C1QTNF8: variants seen among roughly 807,000 people sequenced by gnomAD.
The protein encoded by C1QTNF8 is complement C1q tumor necrosis factor-related protein 8.
In C1QTNF8, 27 loss-of-function variants were observed where a neutral mutation model predicts 19.2. That is an observed-to-expected ratio of 1.41 (90% CI 1.04 to 1.94). The LOEUF (loss-of-function observed/expected upper bound fraction) is 1.94, where lower values mean the gene tolerates loss of function less well. Among genes scored for constraint, C1QTNF8 ranks in the 30% most tolerant of loss-of-function variants. C1QTNF8 has a pLI of 0.00. For synonymous variants in C1QTNF8, 208 were observed against 172.8 expected, an observed-to-expected ratio of 1.20 and a Z score of -1.60; for missense variants, 484 against 374.4, an observed-to-expected ratio of 1.29 and a Z score of -2.42.
rs989133673 is a variant in C1QTNF8, at chr16:1,088,642, G to A, written c.*1957C>T. Among the ~76,000 whole-genome samples, 3 of 152,150 alleles carry A rather than the reference G, an allele frequency of 2.0e-5. No individual in the cohort carries two copies. The highest frequency in any genetic ancestry group is 4.4e-5 in the Non-Finnish European group (3 of 68,028). The stretch of plus-strand genomic sequence containing the variant: ...GTTTTTTAAACAAATAAACCTGGAA[G>A]GTTGGCGGGATGCAGGTCCTGCTGT... On this transcript the variant is annotated 3_prime_UTR_variant, in exon 5 of 5. Transcript: ENST00000328449.
Position 1,094,028 on chromosome 16 carries a change from G to T in C1QTNF8, c.232C>A (p.Arg78=). ...LKGEKGEAGV[R]GRAGRSGKEG... is the part of the protein sequence containing the mutation. ...TTCCCGCTCCTGCCGGCCCGACCTC[G>T]GACGCCGGCCTCACCCTTCTCACCT... is the stretch of plus-strand genomic sequence containing the variant. Residue 78 remains arginine, a synonymous_variant, in exon 4 of 5, where the codon CGA becomes AGA. Coordinates refer to ENST00000328449, the MANE Select transcript of C1QTNF8 (RefSeq NM_207419.3). 1 of 1,473,634 alleles carries T rather than the reference G, an allele frequency of 6.8e-7. No individual in the cohort carries two copies. The highest frequency in any genetic ancestry group is 8.9e-7 in the Non-Finnish European group (1 of 1,129,572). The allele number at this position is 1,473,634 out of a possible 1,614,324, so 91.3% of individuals were successfully genotyped here. A position where few individuals can be genotyped will look rare whatever the true frequency, so the allele number is the denominator to read the frequency against.
chr16:1,094,538 C>G (rs1960642984), intron 3 of C1QTNF8, 177 bp downstream of exon 3: 1 of 501,534 alleles, frequency 2.0e-6, no homozygotes, highest in Non-Finnish European at 3.4e-6. Flanking sequence ...CCAAGCCAGG[C>G]TTCTTCCTGC....
In C1QTNF8 at chr16:1,093,789, G is replaced by A; in HGVS notation, c.471C>T (p.Leu157=). 1 of 1,611,912 alleles carries A rather than the reference G, an allele frequency of 6.2e-7. No individual in the cohort carries two copies. The highest frequency in any genetic ancestry group is 8.5e-7 in the Non-Finnish European group (1 of 1,179,676). The change falls in exon 4 of 5, where the codon CTC becomes CTT. Residue 157 remains leucine (L), a synonymous_variant. Coordinates refer to ENST00000328449, the MANE Select transcript of C1QTNF8 (RefSeq NM_207419.3). ...GAFDLAAGRF[L]CTVPGVYFLS... Reference sequence around the variant, plus strand: ...GGAAGTAGACGCCGGGCACCGTGCAGAGGAAGCGGCCCGCGGCCAGGTCGA... The same window carrying A: ...GGAAGTAGACGCCGGGCACCGTGCAAAGGAAGCGGCCCGCGGCCAGGTCGA...
chr16:1,093,230 A>AGCACACAGTCGCGCTCAACCAATCCCT, intron 4 of C1QTNF8, among the ~76,000 whole-genome samples: 1 of 92,576 alleles, frequency 1.1e-5, no homozygotes, highest in African/African-American at 5.6e-5. Context: ...AACCAATCAC[A>AGCACACAGTCGCGCTCAACCAATCCCT]GCACACAGTC....
In C1QTNF8 at chr16:1,093,893, G is replaced by A. The variant is rs971186284; in HGVS notation, c.367C>T (p.Arg123Trp). The change falls in exon 4 of 5, where the codon CGG (arginine) becomes TGG (tryptophan). Residue 123 changes from arginine to tryptophan, a missense_variant. By Grantham distance (101) the Arg-to-Trp change is moderately radical. Coordinates refer to ENST00000328449, the MANE Select transcript of C1QTNF8 (RefSeq NM_207419.3). ...TCGGAGCTGTGCAGGCCCTCGCGCC[G>A]GCCCACGGAGAAGGCGGCGTAGGCA... ...RRAYAAFSVG[R>W]REGLHSSDHF... 1.3e-6 allele frequency: 2 copies of A among 1,564,026 alleles called. No individual in the cohort carries two copies. Among genetic ancestry groups the A allele is most frequent in the East Asian group, 2.3e-5 (1 of 43,348 alleles).
Position 1,093,734 on chromosome 16 carries a change from T to C in C1QTNF8, c.526A>G (p.Lys176Glu), listed in dbSNP as rs773315919. 1.2e-6 allele frequency: 2 copies of C among 1,612,224 alleles called. No individual in the cohort carries two copies. Among genetic ancestry groups the C allele is most frequent in the Non-Finnish European group, 1.7e-6 (2 of 1,179,666 alleles). ...LSLNVHTWNY[K>E]ETYLHIMLNR... ...AGCATGATGTGCAGGTAGGTCTCCT[T>C]GTAGTTCCAGGTGTGCACGTTGAGG... The change falls in exon 4 of 5, where the codon AAG becomes GAG. Residue 176 changes from lysine (K) to glutamate (E), a missense_variant. Lys to Glu is a moderately conservative substitution (Grantham distance 56, BLOSUM62 1). Coordinates refer to ENST00000328449, the MANE Select transcript of C1QTNF8 (RefSeq NM_207419.3).
intron 4 of C1QTNF8, among the ~76,000 whole-genome samples, chr16:1,092,325 ATCAATCCCTGCACACAGT>A (rs1960563036): frequency 2.0e-5 from 3 of 151,642 alleles, no homozygotes; most frequent in Admixed American, 2.0e-4. Context: ...TCGGCGCTCA[ATCAATCCCTGCACACAGT>A]CGGCGCTCAA....
At chr16:1,092,125 C>G (rs1438094051) in intron 4 of C1QTNF8, among the ~76,000 whole-genome samples, 2 of 152,244 alleles carry the variant, frequency 1.3e-5, no homozygotes, top group Non-Finnish European at 2.9e-5. Context: ...CCACCGCACA[C>G]CCAGTACCAC....
chr16:1,094,396 G>A (rs543660901), intron 3 of C1QTNF8, among the ~76,000 whole-genome samples: 8 of 152,302 alleles, frequency 5.3e-5, no homozygotes, highest in South Asian at 2.1e-4. Flanking sequence ...CAGCGCAGCC[G>A]TGTCAAGGGG....
chr16:1,092,388 C>T (rs1216837423), intron 4 of C1QTNF8, among the ~76,000 whole-genome samples: 1 of 143,626 alleles, frequency 7.0e-6, no homozygotes, highest in African/African-American at 2.7e-5. Context: ...ACAACCAATC[C>T]CTGCACACAG....
At chr16:1,091,838 C>G (rs1567391912) in intron 4 of C1QTNF8, among the ~76,000 whole-genome samples, 1 of 145,618 alleles carries the variant, frequency 6.9e-6, no homozygotes, top group Non-Finnish European at 1.5e-5. Flanking sequence ...CTAGAGCAGC[C>G]CCACCCTCCC....
rs558272589 is a variant in C1QTNF8 at position 1,096,081 on chromosome 16, A to C, written c.-186+75T>G. Reference sequence around the variant, plus strand: ...GGTTCAGGGGGAGCCCGACCTGCCCAGGGCGGCTGTGAAGACTCCCACAAC... The same window carrying C: ...GGTTCAGGGGGAGCCCGACCTGCCCCGGGCGGCTGTGAAGACTCCCACAAC... On this transcript the variant is annotated intron_variant, in intron 1 of 4. Coordinates refer to ENST00000328449, the MANE Select transcript of C1QTNF8 (RefSeq NM_207419.3). 3.3e-5 allele frequency: 5 copies of C among 152,320 alleles called. No homozygotes were observed. The South Asian group carries it at 1.0e-3, about 32-fold the overall frequency. The allele number at this position is 152,320 out of a possible 1,614,324, so 9.4% of individuals were successfully genotyped here. A position where few individuals can be genotyped will look rare whatever the true frequency, so the allele number is the denominator to read the frequency against.
At chr16:1,096,252 G>C (rs569172160), upstream of C1QTNF8, 1 of 152,198 alleles carries the variant, frequency 6.6e-6, no homozygotes, top group African/African-American at 2.4e-5. Flanking sequence ...GGCTGTCCAA[G>C]AGCAACAGGC....
chr16:1,093,721 A>C lies in C1QTNF8; in HGVS notation c.539T>G (p.Leu180Arg). 1 of 1,611,878 alleles carries C rather than the reference A, an allele frequency of 6.2e-7. No homozygotes were observed. ...VHTWNYKETY[L>R]HIMLNRRPAA... ...GGGCCGCCGGTTCAGCATGATGTGCAGGTAGGTCTCCTTGTAGTTCCAGGT... is the reference window on the plus strand; with the variant it reads ...GGGCCGCCGGTTCAGCATGATGTGCCGGTAGGTCTCCTTGTAGTTCCAGGT... The change falls in exon 4 of 5, where the codon CTG (leucine) becomes CGG (arginine). Residue 180 changes from leucine to arginine, a missense_variant. By Grantham distance (102) the Leu-to-Arg change is moderately radical. Coordinates refer to ENST00000328449, the MANE Select transcript of C1QTNF8 (RefSeq NM_207419.3).
At chr16:1,094,292 G>A (rs1251338800) in intron 3 of C1QTNF8, among the ~76,000 whole-genome samples, 6 of 152,228 alleles carry the variant, frequency 3.9e-5, no homozygotes, top group Non-Finnish European at 8.8e-5. Flanking sequence ...GGGGACATGG[G>A]TGGTCAGGGC....
At position 1,094,848 on chromosome 16, in the gene C1QTNF8, G is replaced by A; in HGVS notation, c.75C>T (p.Pro25=). ...AGGCCGGGCGGCAGCAGTGCACACAGGGCCTCCTGGGCAGCCCGGGCCAGG... is the reference window on the plus strand; with the variant it reads ...AGGCCGGGCGGCAGCAGTGCACACAAGGCCTCCTGGGCAGCCCGGGCCAGG... ...VGAWPGLPRR[P]CVHCCRPAWP... The change falls in exon 3 of 5, where the codon CCC becomes CCT. Residue 25 remains proline, a synonymous_variant. Coordinates refer to ENST00000328449, the MANE Select transcript of C1QTNF8 (RefSeq NM_207419.3). 1 of 1,429,486 alleles carries A rather than the reference G, an allele frequency of 7.0e-7. No homozygotes were observed. Among genetic ancestry groups the A allele is most frequent in the South Asian group, 1.6e-5 (1 of 61,820 alleles). The allele number at this position is 1,429,486 out of a possible 1,614,324, so 88.6% of individuals were successfully genotyped here.
chr16:1,091,433 C>T (rs1288724350), intron 4 of C1QTNF8, among the ~76,000 whole-genome samples: 1 of 152,114 alleles, frequency 6.6e-6, no homozygotes, highest in African/African-American at 2.4e-5. Flanking sequence ...GGGAGGGAGG[C>T]CCAGGTCAGG....
intron 2 of C1QTNF8, 66 bp from the exon 3 acceptor site, chr16:1,094,999 CG>C: frequency 3.0e-6 from 2 of 665,700 alleles, no homozygotes; most frequent in Non-Finnish European, 4.4e-6. Flanking sequence ...CCAGACCCTA[CG>C]GCAGCCCGGC....
rs1351045428 is a variant in C1QTNF8 at position 1,093,554 on chromosome 16, C to T, written c.706G>A (p.Asp236Asn). The T allele has an allele frequency of 6.3e-7, 1 of 1,588,896 alleles. No individual in the cohort carries two copies. Among genetic ancestry groups the T allele is most frequent in the South Asian group, 1.1e-5 (1 of 88,774 alleles). ...RDNAIYGEHG[D>N]LYITFSGHLV... ...TGGCCGCTGAAGGTGATGTAGAGGT[C>T]TCCGTGCTCGCCGTAGATGGCGTTG... The change falls in exon 4 of 5, where the codon GAC becomes AAC. Residue 236 changes from aspartate to asparagine, a missense_variant. Physicochemically the swap from Asp to Asn is conservative, Grantham distance 23. Coordinates refer to ENST00000328449, the MANE Select transcript of C1QTNF8 (RefSeq NM_207419.3).
Sources: gnomAD v4.1 joint callset for allele counts (sites outside exome capture counted in the v4.1 genomes callset) on GRCh38, gnomAD v4.1.1 for gene constraint, MANE v1.5 for transcripts, NCBI Gene and HGNC (gene_info 2026-07-23, HGNC 2026-07-21) for gene names.